ATP2C1: variants seen among roughly 807,000 people sequenced by gnomAD.
The protein encoded by ATP2C1 is calcium-transporting ATPase type 2C member 1.
In ATP2C1, 31 loss-of-function variants were observed where a neutral mutation model predicts 120.5. The observed-to-expected ratio is 0.26, with a 90% CI of 0.19 to 0.35. The LOEUF is 0.35. Among genes scored for constraint, ATP2C1 ranks in the 10% least tolerant of loss-of-function variants. ATP2C1 has a pLI of 1.00. For missense variants in ATP2C1, 731 were observed against 1,107.5 expected (o/e 0.66, Z 4.83); for synonymous variants, 351 against 358.7 (o/e 0.98, Z 0.24).
chr3:130,875,297 C>T (rs915569294), intron 1 of ATP2C1, among the ~76,000 whole-genome samples: 1 of 152,136 alleles, frequency 6.6e-6, no homozygotes, highest in Admixed American at 6.5e-5. Context: ...CTACATTTAC[C>T]AGCCTCTAGT....
chr3:130,957,915 ATCTT>A (rs1296981898), intron 11 of ATP2C1, among the ~76,000 whole-genome samples: 6 of 152,216 alleles, frequency 3.9e-5, no homozygotes, highest in Non-Finnish European at 5.9e-5. Flanking sequence ...TTATCCATCT[ATCTT>A]CATTGTAAAC....
At chr3:130,873,062 A>G (rs1250444220) in intron 1 of ATP2C1, among the ~76,000 whole-genome samples, 1 of 152,234 alleles carries the variant, frequency 6.6e-6, no homozygotes, top group African/African-American at 2.4e-5. Flanking sequence ...TACAATCTTG[A>G]GTGTCATCAA....
intron 20 of ATP2C1, among the ~76,000 whole-genome samples, chr3:130,990,272 A>ACG (rs1553779031): frequency 9.8e-6 from 1 of 102,072 alleles, no homozygotes; most frequent in Non-Finnish European, 2.0e-5. Context: ...CTTAAGAGCA[A>ACG]CCCCCCCCCC....
chr3:130,983,122 ACATAAC>A (rs1279476513), intron 20 of ATP2C1, among the ~76,000 whole-genome samples: 3 of 152,178 alleles, frequency 2.0e-5, no homozygotes, highest in Non-Finnish European at 4.4e-5. Context: ...AGAGAGAGTT[ACATAAC>A]CATTTTCCTG....
intron 2 of ATP2C1, among the ~76,000 whole-genome samples, chr3:130,915,341 G>T (rs971124113): frequency 6.6e-6 from 1 of 152,050 alleles, no homozygotes; most frequent in Non-Finnish European, 1.5e-5. Flanking sequence ...TGATCCACCC[G>T]CCTCAGACTC....
chr3:130,971,403 A>G (rs949804773), intron 17 of ATP2C1, among the ~76,000 whole-genome samples: 1 of 152,202 alleles, frequency 6.6e-6, no homozygotes, highest in Non-Finnish European at 1.5e-5. Flanking sequence ...TGAAATGAAC[A>G]AACAAAACCC....
intron 14 of ATP2C1, among the ~76,000 whole-genome samples, chr3:130,966,284 A>G (rs1020634142): frequency 6.6e-5 from 10 of 152,154 alleles, no homozygotes; most frequent in Non-Finnish European, 1.0e-4. Flanking sequence ...CAGAAGGGTC[A>G]TTGGGATTAC....
intron 19 of ATP2C1, 107 bp downstream of exon 19, chr3:130,979,526 T>C (rs1356184349): frequency 8.2e-7 from 1 of 1,226,964 alleles, no homozygotes; most frequent in East Asian, 2.5e-5. Context: ...ATATTGAGAT[T>C]ATGCAATTGA....
At chr3:130,946,003 C>CTTTA (rs1230090230) in intron 8 of ATP2C1, among the ~76,000 whole-genome samples, 3 of 150,318 alleles carry the variant, frequency 2.0e-5, no homozygotes. Context: ...GATTTTCTTT[C>CTTTA]ATTTGAAGTT....
chr3:130,923,040 A>G (rs2059036509), intron 2 of ATP2C1, among the ~76,000 whole-genome samples: 1 of 152,078 alleles, frequency 6.6e-6, no homozygotes, highest in Non-Finnish European at 1.5e-5. Context: ...TGACCTGTCT[A>G]GTGTTGTCAG....
intron 20 of ATP2C1, among the ~76,000 whole-genome samples, chr3:130,986,566 T>C (rs1439871864): frequency 1.3e-5 from 2 of 152,180 alleles, no homozygotes; most frequent in Non-Finnish European, 2.9e-5. Context: ...ATAGCAGATA[T>C]CCTGATGCTA....
At chr3:131,006,104 G>A (rs2063099538), downstream of ATP2C1, among the ~76,000 whole-genome samples, 1 of 152,154 alleles carries the variant, frequency 6.6e-6, no homozygotes. Context: ...AGAAAACAAT[G>A]TTGGTTTTTC....
At chr3:130,901,688 A>G (rs2057832947) in intron 2 of ATP2C1, among the ~76,000 whole-genome samples, 1 of 152,046 alleles carries the variant, frequency 6.6e-6, no homozygotes, top group Admixed American at 6.6e-5. Context: ...TCATATAGCT[A>G]TGCATGGAGA....
chr3:130,955,101 T>C, intron 10 of ATP2C1, 21 bp downstream of exon 10: 2 of 1,508,976 alleles, frequency 1.3e-6, no homozygotes, highest in Non-Finnish European at 1.8e-6. Context: ...AATATGTTAA[T>C]GATGTATTTG....
intron 1 of ATP2C1, among the ~76,000 whole-genome samples, chr3:130,865,953 AC>A (rs1239917208): frequency 2.0e-5 from 3 of 152,086 alleles, no homozygotes; most frequent in Non-Finnish European, 4.4e-5. Context: ...TCATATATTG[AC>A]CTTTTTTGCT....
intron 2 of ATP2C1, among the ~76,000 whole-genome samples, chr3:130,926,008 A>G (rs1329537737): frequency 6.6e-6 from 1 of 152,114 alleles, no homozygotes; most frequent in Non-Finnish European, 1.5e-5. Flanking sequence ...GTCTTTTTCC[A>G]GGTAGCCGGT....
rs1285811053 is a variant in ATP2C1 at position 130,997,619 on chromosome 3, C to T, written c.2257C>T (p.Pro753Ser). 6.2e-7 allele frequency: 1 copy of T among 1,613,174 alleles called. No homozygotes were observed. The highest frequency in any genetic ancestry group is 1.1e-5 in the South Asian group (1 of 91,058). ...TTTGTTTTTAAGCCTTGGAGTAGAACCAGTGGATAAAGATGTCATTCGTAA... is the reference window on the plus strand; with the variant it reads ...TTTGTTTTTAAGCCTTGGAGTAGAATCAGTGGATAAAGATGTCATTCGTAA... ...GPPAQSLGVE[P>S]VDKDVIRKPP... The change falls in exon 25 of 28, where the codon CCA becomes TCA. Residue 753 changes from proline (P) to serine (S), a missense_variant. Pro to Ser is a moderately conservative substitution (Grantham distance 74, BLOSUM62 -1). Around this residue, in one of 3 missense-constraint regions of ATP2C1, gnomAD observed 141 missense variants for 201.6 expected, o/e 0.70. Transcript: ENST00000510168.
intron 8 of ATP2C1, among the ~76,000 whole-genome samples, chr3:130,944,413 T>C (rs1461854282): frequency 1.3e-5 from 2 of 152,222 alleles, no homozygotes; most frequent in Non-Finnish European, 2.9e-5. Context: ...AAGGTCAAGG[T>C]CTGGCAGGGT....
chr3:130,894,916 A>G lies in ATP2C1; in HGVS notation c.6+141A>G, dbSNP rs754513743. Reference sequence around the variant, plus strand: ...ATGTGAAGTGTCCAAGGATTTGCTTACTTAGGGTATCCAGCTTTTATTTTG... The same window carrying G: ...ATGTGAAGTGTCCAAGGATTTGCTTGCTTAGGGTATCCAGCTTTTATTTTG... On this transcript the variant is annotated intron_variant, in intron 2 of 27. Coordinates refer to ENST00000510168, the MANE Select transcript of ATP2C1 (RefSeq NM_001378687.1). The surrounding 1 kb of genome is among the most constrained non-coding windows in gnomAD (Gnocchi z 4.5). 4.2e-6 allele frequency: 4 copies of G among 944,590 alleles called. No homozygotes were observed. In the African/African-American group the frequency reaches 6.5e-5, roughly 15 times the overall value. 58.5% of individuals were successfully genotyped at this position (944,590 alleles called of 1,614,324 possible).
Sources: allele counts gnomAD v4.1 joint callset (sites outside exome capture counted in the v4.1 genomes callset), GRCh38; gene constraint gnomAD v4.1.1; regional missense constraint gnomAD v4.1.1; non-coding constraint Gnocchi (gnomAD v3.1); transcripts MANE v1.5; gene names NCBI Gene and HGNC (gene_info 2026-07-23, HGNC 2026-07-21).